PTPRD: variants seen among roughly 807,000 people sequenced by gnomAD.
PTPRD encodes receptor-type tyrosine-protein phosphatase delta.
Under a neutral mutation model 214.5 loss-of-function variants are expected in PTPRD, and 34 were observed. The ratio of observed to expected loss-of-function variants is 0.16; its 90% CI spans 0.12 to 0.21. The LOEUF is 0.21. Among genes scored for constraint, PTPRD ranks in the 10% least tolerant of loss-of-function variants. The pLI, the probability that PTPRD is intolerant of heterozygous loss-of-function variation, is 1.00. For synonymous variants in PTPRD, 1,128 were observed against 845.7 expected, an observed-to-expected ratio of 1.33 and a Z score of -5.79; for missense variants, 2,545 against 2,398.7, an observed-to-expected ratio of 1.06 and a Z score of -1.27.
At chr9:8,414,709 T>C (rs1345519579) in intron 35 of PTPRD, among the ~76,000 whole-genome samples, 1 of 151,992 alleles carries the variant, frequency 6.6e-6, no homozygotes, top group Non-Finnish European at 1.5e-5. Context: ...ACTCTCAAAG[T>C]ATCCCAGTTT....
intron 5 of PTPRD, among the ~76,000 whole-genome samples, chr9:9,821,216 A>G (rs1350545723): frequency 2.0e-5 from 3 of 152,128 alleles, no homozygotes; most frequent in Non-Finnish European, 4.4e-5. Flanking sequence ...TCTCAACTTG[A>G]AGGTTATTAG....
intron 5 of PTPRD, among the ~76,000 whole-genome samples, chr9:9,872,650 G>C (rs995931062): frequency 6.6e-6 from 1 of 152,044 alleles, no homozygotes; most frequent in East Asian, 1.9e-4. Flanking sequence ...CAAGGAGATA[G>C]AATTACATGA....
intron 12 of PTPRD, among the ~76,000 whole-genome samples, chr9:8,656,979 A>C (rs892738790): frequency 6.6e-6 from 1 of 152,208 alleles, no homozygotes; most frequent in African/African-American, 2.4e-5. Context: ...ATGAAAGTTT[A>C]TGAATTATTA....
At chr9:8,779,873 A>C (rs116388846) in intron 11 of PTPRD, among the ~76,000 whole-genome samples, 3,097 of 151,112 alleles carry the variant, frequency 0.02, 41 homozygotes, top group Middle Eastern at 0.054. Flanking sequence ...TATGATCAAC[A>C]AGAGATGTCA....
In PTPRD at chr9:10,509,884, A is replaced by G. The variant is rs1162609018; in HGVS notation, c.-600+102514T>C. Reference sequence around the variant, plus strand: ...TATTTATTCCTCTATTTATCTGTATATAAGTTTTAAAACTATAATTCCATT... The same window carrying G: ...TATTTATTCCTCTATTTATCTGTATGTAAGTTTTAAAACTATAATTCCATT... On this transcript the variant is annotated intron_variant, in intron 2 of 45. Coordinates refer to ENST00000381196, the MANE Select transcript of PTPRD (RefSeq NM_002839.4). Among the ~76,000 whole-genome samples, 5 of 152,142 alleles carry G rather than the reference A, an allele frequency of 3.3e-5. No individual in the cohort carries two copies. In the South Asian group the frequency reaches 8.3e-4, roughly 25 times the overall value.
intron 9 of PTPRD, among the ~76,000 whole-genome samples, chr9:9,316,021 A>T (rs993236312): frequency 1.1e-4 from 16 of 151,964 alleles, no homozygotes; most frequent in African/African-American, 3.1e-4. Context: ...TATGCAATTT[A>T]TATCATAAAG....
intron 11 of PTPRD, among the ~76,000 whole-genome samples, chr9:8,917,149 T>TA (rs34621501): frequency 6.6e-6 from 1 of 150,520 alleles, no homozygotes; most frequent in Admixed American, 6.6e-5. Context: ...TTTTTTTTTT[T>TA]AGACAAAGTC....
intron 10 of PTPRD, among the ~76,000 whole-genome samples, chr9:9,066,211 T>C (rs2099732175): frequency 6.6e-6 from 1 of 152,198 alleles, no homozygotes; most frequent in Non-Finnish European, 1.5e-5. Context: ...GGGTCCTTTT[T>C]TTATTCCCTG....
chr9:10,085,320 C>T lies in PTPRD; in HGVS notation c.-544-51530G>A, dbSNP rs150778702. Among the ~76,000 whole-genome samples, 631 of 151,870 alleles carry T rather than the reference C, an allele frequency of 4.2e-3. 5 individuals are homozygous for T. Among genetic ancestry groups the T allele is most frequent in the African/African-American group, 0.014 (593 of 41,472 alleles). On this transcript the variant is annotated intron_variant, in intron 3 of 45. Transcript: ENST00000381196. ...CGATTATTTTTAAGTTCCTGATTAA[C>T]ATTGACATCATGGTGAACCTGGCCA...
At position 9,123,217 on chromosome 9, in the gene PTPRD, C is replaced by T. The variant is rs116890390; in HGVS notation, c.-143+60087G>A. Among the ~76,000 whole-genome samples, 432 of 152,284 alleles carry T rather than the reference C, an allele frequency of 2.8e-3. 2 individuals are homozygous for T. The highest frequency in any genetic ancestry group is 0.017 in the East Asian group (90 of 5,184). ...TCAGTCATGCAGTCATGGCCTCATG[C>T]CATCTGTGCCATGTCACTCCAACTC... On this transcript the variant is annotated intron_variant, in intron 10 of 45. Coordinates refer to ENST00000381196, the MANE Select transcript of PTPRD (RefSeq NM_002839.4).
chr9:9,166,229 G>A (rs1224142249), intron 10 of PTPRD, among the ~76,000 whole-genome samples: 1 of 151,782 alleles, frequency 6.6e-6, no homozygotes, highest in Non-Finnish European at 1.5e-5. Context: ...AGGAATAGAG[G>A]AGAGTTGAGA....
intron 11 of PTPRD, among the ~76,000 whole-genome samples, chr9:8,742,941 G>C (rs868254662): frequency 6.6e-6 from 1 of 152,140 alleles, no homozygotes; most frequent in African/African-American, 2.4e-5. Flanking sequence ...GTGACCCATG[G>C]CACCTAAGGG....
chr9:9,317,535 A>T (rs1263376877), intron 9 of PTPRD, among the ~76,000 whole-genome samples: 2 of 152,020 alleles, frequency 1.3e-5, no homozygotes, highest in Admixed American at 6.6e-5. Context: ...CTTGTGCCTC[A>T]TAAGTCATTG....
intron 5 of PTPRD, among the ~76,000 whole-genome samples, chr9:9,833,678 C>CG (rs769522569): frequency 0.056 from 6,021 of 107,962 alleles, 507 homozygotes; most frequent in East Asian, 0.5. Context: ...AGGTACGCTC[C>CG]GGAGAGGGGG....
intron 11 of PTPRD, among the ~76,000 whole-genome samples, chr9:8,866,134 G>A (rs2098191922): frequency 6.6e-6 from 1 of 152,020 alleles, no homozygotes. Flanking sequence ...AAAACTCATT[G>A]GCCACATCTC....
intron 3 of PTPRD, among the ~76,000 whole-genome samples, chr9:10,111,419 T>C (rs1052627231): frequency 1.3e-5 from 2 of 151,242 alleles, no homozygotes; most frequent in Admixed American, 1.3e-4. Flanking sequence ...TTTGTATTTT[T>C]AGTAGAGACG....
At chr9:9,274,679 C>G (rs867586655) in intron 9 of PTPRD, among the ~76,000 whole-genome samples, 1 of 151,098 alleles carries the variant, frequency 6.6e-6, no homozygotes, top group Non-Finnish European at 1.5e-5. Context: ...AGAGGTTGCT[C>G]TTGGTTTATA....
At chr9:9,205,145 AT>A (rs1434956362) in intron 9 of PTPRD, among the ~76,000 whole-genome samples, 3 of 152,232 alleles carry the variant, frequency 2.0e-5, no homozygotes, top group Admixed American at 6.5e-5. Flanking sequence ...TTTAAAAAAA[AT>A]CTTCTGGAAT....
intron 10 of PTPRD, among the ~76,000 whole-genome samples, chr9:9,171,092 A>C (rs540129388): frequency 6.6e-6 from 1 of 152,274 alleles, no homozygotes; most frequent in East Asian, 1.9e-4. Context: ...AAACATTACA[A>C]ATTGAAAGTC....
Sources: allele counts gnomAD v4.1 joint callset (sites outside exome capture counted in the v4.1 genomes callset), GRCh38; gene constraint gnomAD v4.1.1; transcripts MANE v1.5; gene names NCBI Gene and HGNC (gene_info 2026-07-23, HGNC 2026-07-21).